The following FRAS1 variants were observed in gnomAD, a reference collection of about 807,000 sequenced individuals.
FRAS1 encodes extracellular matrix organizing protein FRAS1.
Under a neutral mutation model 435.2 loss-of-function variants are expected in FRAS1, and 290 were observed. The ratio of observed to expected loss-of-function variants is 0.67; its 90% CI spans 0.61 to 0.73. The LOEUF (loss-of-function observed/expected upper bound fraction) is 0.73, where lower values mean the gene tolerates loss of function less well. Among genes scored for constraint, FRAS1 ranks in the 30% least tolerant of loss-of-function variants. The pLI, the probability that FRAS1 is intolerant of heterozygous loss-of-function variation, is 0.00. For missense variants in FRAS1, 4,860 were observed against 5,001.5 expected (o/e 0.97, Z 0.85); for synonymous variants, 1,800 against 1,851.0 (o/e 0.97, Z 0.71).
intron 2 of FRAS1, among the ~76,000 whole-genome samples, chr4:78,076,835 G>A (rs1740661295): frequency 6.6e-6 from 1 of 152,076 alleles, no homozygotes; most frequent in Admixed American, 6.6e-5. Context: ...CCACTTTAGA[G>A]GAATCAAACT....
In FRAS1 at chr4:78,508,712, CT is replaced by C; in HGVS notation, c.9505-16del. 6.2e-7 allele frequency: 1 copy of C among 1,613,270 alleles called. No individual in the cohort carries two copies. Among genetic ancestry groups the C allele is most frequent in the Non-Finnish European group, 8.5e-7 (1 of 1,179,614 alleles). On this transcript the variant is annotated intron_variant, in intron 62 of 73. Coordinates refer to ENST00000512123, the MANE Select transcript of FRAS1 (RefSeq NM_025074.7). ...TGCCAATACCCAACCTGAACTGAAG[CT>C]TTGTTGCTCTTTCGCAGGTGGTCAC... is the stretch of plus-strand genomic sequence containing the variant.
intron 47 of FRAS1, among the ~76,000 whole-genome samples, chr4:78,456,037 A>T (rs1496581): frequency 6.6e-6 from 1 of 151,448 alleles, no homozygotes; most frequent in Non-Finnish European, 1.5e-5. Flanking sequence ...AGGCGAATGC[A>T]GCAGCTGTGG....
chr4:78,239,219 A>C (rs1043072834), intron 3 of FRAS1, among the ~76,000 whole-genome samples: 4 of 152,128 alleles, frequency 2.6e-5, no homozygotes, highest in African/African-American at 9.7e-5. Flanking sequence ...AATTTTTCTC[A>C]TCTTGGTAAA....
At chr4:78,441,109 T>C in intron 40 of FRAS1, 53 bp from the exon 41 acceptor site, 4 of 1,594,458 alleles carry the variant, frequency 2.5e-6, no homozygotes, top group Non-Finnish European at 3.4e-6. Context: ...GCTCTTTTTT[T>C]ACTGTGGTTA....
chr4:78,473,004 C>T (rs994984346), intron 52 of FRAS1, among the ~76,000 whole-genome samples: 1 of 152,142 alleles, frequency 6.6e-6, no homozygotes, highest in Non-Finnish European at 1.5e-5. Flanking sequence ...AACCCAACCC[C>T]AGCTATTCTT....
At chr4:78,282,741 T>C in intron 11 of FRAS1, 79 bp from the exon 12 acceptor site, 3 of 1,541,410 alleles carry the variant, frequency 1.9e-6, no homozygotes, top group Non-Finnish European at 2.7e-6. Flanking sequence ...CTTATGGAAA[T>C]TGTAAGTTCT....
At chr4:78,514,151 G>A (rs1721131902) in intron 65 of FRAS1, among the ~76,000 whole-genome samples, 1 of 152,206 alleles carries the variant, frequency 6.6e-6, no homozygotes, top group Non-Finnish European at 1.5e-5. Context: ...GGGAGCTCTG[G>A]AGAGACTTGT....
rs1410642026 is a variant in FRAS1, at chr4:78,439,082, C to T, written c.5529+18C>T. The T allele has an allele frequency of 1.4e-5, 22 of 1,603,712 alleles. No individual in the cohort carries two copies. The highest frequency in any genetic ancestry group is 1.8e-5 in the Non-Finnish European group (21 of 1,172,508). On this transcript the variant is annotated intron_variant, in intron 40 of 73. Transcript: ENST00000512123. Reference sequence around the variant, plus strand: ...TTATCACGGTAAACAATTCTCAGATCAATAAACAGTGAGTACTATAGAGAG... The same window carrying T: ...TTATCACGGTAAACAATTCTCAGATTAATAAACAGTGAGTACTATAGAGAG...
At chr4:78,509,728 C>A (rs980226183) in intron 63 of FRAS1, among the ~76,000 whole-genome samples, 1 of 152,182 alleles carries the variant, frequency 6.6e-6, no homozygotes, top group African/African-American at 2.4e-5. Context: ...CCACAGTGAT[C>A]CTGCACATCA....
chr4:78,421,159 A>G (rs1733774947), intron 33 of FRAS1, among the ~76,000 whole-genome samples: 1 of 151,598 alleles, frequency 6.6e-6, no homozygotes, highest in Non-Finnish European at 1.5e-5. Context: ...TTATATATTT[A>G]TTTTTGAGAT....
Position 78,400,809 on chromosome 4 carries a change from A to G in FRAS1, c.4051A>G (p.Arg1351Gly), listed in dbSNP as rs1195676175. ...PEGGMLQITN[R>G]ILQAEAPGAS... ...AGGGGGGATGCTGCAGATCACCAAC[A>G]GAATCTTACAGGCCGAGGCTCCTGG... is the stretch of plus-strand genomic sequence containing the variant. Residue 1351 changes from arginine to glycine, a missense_variant, in exon 30 of 74, where the codon AGA becomes GGA. Transcript: ENST00000512123. The G allele has an allele frequency of 3.1e-6, 5 of 1,613,854 alleles. No homozygotes were observed. Among genetic ancestry groups the G allele is most frequent in the Admixed American group, 3.3e-5 (2 of 59,996 alleles).
chr4:78,457,556 A>G (rs1265499732), intron 47 of FRAS1, among the ~76,000 whole-genome samples: 1 of 152,178 alleles, frequency 6.6e-6, no homozygotes, highest in Admixed American at 6.5e-5. Flanking sequence ...TCTTGCTCTT[A>G]AATCTTAAAA....
chr4:78,337,282 C>G (rs1464665074), intron 19 of FRAS1, among the ~76,000 whole-genome samples: 1 of 152,074 alleles, frequency 6.6e-6, no homozygotes, highest in African/African-American at 2.4e-5. Context: ...CAAAATGTCC[C>G]CTTCTTCTCC....
At chr4:78,375,241 T>C (rs754811193) in intron 25 of FRAS1, among the ~76,000 whole-genome samples, 4 of 152,208 alleles carry the variant, frequency 2.6e-5, no homozygotes, top group Non-Finnish European at 4.4e-5. Flanking sequence ...ATGGTGGTAG[T>C]AGAAAAATTG....
chr4:78,533,321 G>A (rs1417778147), intron 70 of FRAS1, among the ~76,000 whole-genome samples: 1 of 152,196 alleles, frequency 6.6e-6, no homozygotes, highest in East Asian at 1.9e-4. Context: ...TATATGCTCA[G>A]TGAATATTTG....
intron 18 of FRAS1, among the ~76,000 whole-genome samples, chr4:78,331,140 T>G (rs568410129): frequency 6.6e-6 from 1 of 152,372 alleles, no homozygotes; most frequent in African/African-American, 2.4e-5. Flanking sequence ...TGTTTTATAA[T>G]CTTAAAAAAT....
chr4:78,517,941 A>G (rs1721259700), intron 66 of FRAS1, among the ~76,000 whole-genome samples: 1 of 152,118 alleles, frequency 6.6e-6, no homozygotes, highest in Admixed American at 6.5e-5. Flanking sequence ...TACAATCTGG[A>G]AATTTTCTTT....
intron 2 of FRAS1, among the ~76,000 whole-genome samples, chr4:78,113,123 C>T (rs1742858971): frequency 1.3e-5 from 2 of 152,114 alleles, no homozygotes; most frequent in African/African-American, 2.4e-5. Flanking sequence ...TGATGGTTTC[C>T]AGCTTCATCC....
At chr4:78,244,928 GCTTAT>G (rs1348600004) in intron 3 of FRAS1, among the ~76,000 whole-genome samples, 29 of 152,222 alleles carry the variant, frequency 1.9e-4, no homozygotes, top group African/African-American at 6.7e-4. Context: ...GGAGAAAACT[GCTTAT>G]CTTGTGTAAA....
Sources: allele counts gnomAD v4.1 joint callset (sites outside exome capture counted in the v4.1 genomes callset), GRCh38; gene constraint gnomAD v4.1.1; transcripts MANE v1.5; gene names NCBI Gene and HGNC (gene_info 2026-07-23, HGNC 2026-07-21).